Variants in CNTNAP2 observed in about 807,000 individuals in gnomAD.
CNTNAP2 encodes the protein contactin-associated protein-like 2.
In CNTNAP2, 98 loss-of-function variants were observed where a neutral mutation model predicts 155.2. That is an observed-to-expected ratio of 0.63 (90% CI 0.54 to 0.75). The LOEUF (loss-of-function observed/expected upper bound fraction) is 0.75. CNTNAP2 is among the 30% of genes least tolerant of loss of function. The pLI, the probability that CNTNAP2 is intolerant of heterozygous loss-of-function variation, is 0.00. For missense variants in CNTNAP2, 1,727 were observed against 1,688.1 expected (o/e 1.02, Z -0.40); for synonymous variants, 651 against 631.2 (o/e 1.03, Z -0.47).
intron 3 of CNTNAP2, among the ~76,000 whole-genome samples, chr7:146,863,286 A>C (rs570467724): frequency 6.6e-6 from 1 of 152,284 alleles, no homozygotes; most frequent in African/African-American, 2.4e-5. Flanking sequence ...AGTTTTAAAA[A>C]GGAGCTTTAT....
chr7:148,304,346 A>C (rs1197966755), intron 21 of CNTNAP2, among the ~76,000 whole-genome samples: 1 of 152,222 alleles, frequency 6.6e-6, no homozygotes, highest in Admixed American at 6.5e-5. Context: ...ATTTTTATCA[A>C]AGTAATAAAA....
intron 11 of CNTNAP2, among the ~76,000 whole-genome samples, chr7:147,516,813 A>G (rs1053201428): frequency 6.6e-6 from 1 of 151,316 alleles, no homozygotes; most frequent in Non-Finnish European, 1.5e-5. Context: ...ACTCTCATTC[A>G]GAAAACCACA....
chr7:146,849,646 C>T (rs567068395), intron 3 of CNTNAP2, among the ~76,000 whole-genome samples: 6 of 152,050 alleles, frequency 3.9e-5, no homozygotes, highest in Non-Finnish European at 7.4e-5. Context: ...TTACCTTATG[C>T]GATTTTTGTG....
chr7:146,596,705 C>G (rs544859266), intron 1 of CNTNAP2, among the ~76,000 whole-genome samples: 1 of 150,386 alleles, frequency 6.6e-6, no homozygotes, highest in Non-Finnish European at 1.5e-5. Context: ...AGTTTAGAGA[C>G]TACAGGTTCA....
intron 1 of CNTNAP2, among the ~76,000 whole-genome samples, chr7:146,335,796 A>G (rs979299216): frequency 1.3e-5 from 2 of 152,196 alleles, no homozygotes; most frequent in Non-Finnish European, 2.9e-5. Flanking sequence ...ACCATAGAGA[A>G]GGTGTTAGAG....
In CNTNAP2 at chr7:147,545,014, TAC is replaced by T. The variant is rs759815535; in HGVS notation, c.1778-17112_1778-17111del. ...TAGCAGCATGAGAATGAACTGATAA[TAC>T]ACACACACACATACACGTACTCATA... On this transcript the variant is annotated intron_variant, in intron 11 of 23. Coordinates refer to ENST00000361727, the MANE Select transcript of CNTNAP2 (RefSeq NM_014141.6). Among the ~76,000 whole-genome samples the T allele has an allele frequency of 7.2e-5, 11 of 151,958 alleles. No individual in the cohort carries two copies. The South Asian group carries it at 1.5e-3, about 20-fold the overall frequency.
intron 1 of CNTNAP2, among the ~76,000 whole-genome samples, chr7:146,235,206 T>C: frequency 6.6e-6 from 1 of 152,120 alleles, no homozygotes; most frequent in Non-Finnish European, 1.5e-5. Context: ...TAGTTTCACT[T>C]ATTTTTCCTT....
At position 147,949,440 on chromosome 7, in the gene CNTNAP2, G is replaced by GTGTATATATATA. The variant is rs374972144; in HGVS notation, c.2256-28421_2256-28420insGTATATATATAT. 6.6e-3 allele frequency among the ~76,000 whole-genome samples: 846 copies of GTGTATATATATA among 127,310 alleles called. 12 individuals are homozygous for GTGTATATATATA. The highest frequency in any genetic ancestry group is 0.022 in the African/African-American group (791 of 36,464). The allele number at this position is 127,310 out of a possible 152,430, so 83.5% of individuals were successfully genotyped here. A position where few individuals can be genotyped will look rare whatever the true frequency, so the allele number is the denominator to read the frequency against. The stretch of plus-strand genomic sequence containing the variant: ...TGTGTTGTTCAAGGATCAACTGTGT[G>GTGTATATATATA]TATATATATATATATATATTTTTTT... On this transcript the variant is annotated intron_variant, in intron 14 of 23. Coordinates refer to ENST00000361727, the MANE Select transcript of CNTNAP2 (RefSeq NM_014141.6).
chr7:147,472,538 A>G (rs764055109), intron 10 of CNTNAP2, among the ~76,000 whole-genome samples: 3 of 152,066 alleles, frequency 2.0e-5, no homozygotes, highest in Non-Finnish European at 4.4e-5. Context: ...AAGTAGCGTG[A>G]CATGTGAAAG....
At chr7:147,493,095 A>C (rs1173128181) in intron 11 of CNTNAP2, among the ~76,000 whole-genome samples, 1 of 152,164 alleles carries the variant, frequency 6.6e-6, no homozygotes, top group Non-Finnish European at 1.5e-5. Flanking sequence ...TTTTACTTTG[A>C]GTGTAAGTCG....
At chr7:146,875,690 G>C (rs998429451) in intron 3 of CNTNAP2, among the ~76,000 whole-genome samples, 2 of 151,634 alleles carry the variant, frequency 1.3e-5, no homozygotes, top group African/African-American at 4.8e-5. Context: ...GGCAAAGCCA[G>C]TTAGGAAATA....
intron 10 of CNTNAP2, among the ~76,000 whole-genome samples, chr7:147,400,137 G>A (rs1381897650): frequency 6.6e-6 from 1 of 152,066 alleles, no homozygotes; most frequent in Non-Finnish European, 1.5e-5. Context: ...GTGAAAACCT[G>A]AGAGCCCAAA....
chr7:148,396,169 G>A (rs1237587347), intron 22 of CNTNAP2, among the ~76,000 whole-genome samples: 1 of 152,174 alleles, frequency 6.6e-6, no homozygotes, highest in East Asian at 1.9e-4. Flanking sequence ...GTTGATGGCA[G>A]AACCACTGAC....
intron 1 of CNTNAP2, among the ~76,000 whole-genome samples, chr7:146,229,552 A>G (rs1799349985): frequency 6.6e-6 from 1 of 152,090 alleles, no homozygotes; most frequent in African/African-American, 2.4e-5. Flanking sequence ...AGTAAAATGT[A>G]TCCATGAGTT....
intron 1 of CNTNAP2, among the ~76,000 whole-genome samples, chr7:146,644,646 G>T (rs1799777785): frequency 1.3e-5 from 2 of 151,966 alleles, no homozygotes; most frequent in African/African-American, 2.4e-5. Context: ...TGATAAAGGA[G>T]ATATCACCAC....
intron 10 of CNTNAP2, among the ~76,000 whole-genome samples, chr7:147,398,870 G>A (rs1354187379): frequency 1.3e-5 from 2 of 151,374 alleles, no homozygotes; most frequent in African/African-American, 4.9e-5. Context: ...TAATTAAAAA[G>A]TAAATAATCT....
At chr7:146,761,179 A>G (rs1455267563) in intron 1 of CNTNAP2, among the ~76,000 whole-genome samples, 1 of 152,156 alleles carries the variant, frequency 6.6e-6, no homozygotes, top group East Asian at 1.9e-4. Flanking sequence ...AGCAAACAAC[A>G]CAACCCTTAC....
intron 1 of CNTNAP2, among the ~76,000 whole-genome samples, chr7:146,729,129 C>G (rs1801481947): frequency 1.3e-5 from 2 of 152,204 alleles, no homozygotes; most frequent in Non-Finnish European, 2.9e-5. Context: ...GGAAGGTGGG[C>G]TTCTGATGAG....
chr7:146,196,664 A>C (rs968878590), intron 1 of CNTNAP2, among the ~76,000 whole-genome samples: 5 of 152,288 alleles, frequency 3.3e-5, no homozygotes, highest in African/African-American at 1.2e-4. Context: ...AGAAACCAGA[A>C]GAGAAGACAT....
Sources: allele counts gnomAD v4.1 joint callset (sites outside exome capture counted in the v4.1 genomes callset), GRCh38; gene constraint gnomAD v4.1.1; transcripts MANE v1.5; gene names NCBI Gene and HGNC (gene_info 2026-07-23, HGNC 2026-07-21).